Variants in FRMPD2 observed in about 807,000 individuals in gnomAD.
FRMPD2 encodes the protein FERM and PDZ domain containing 2, also known as FERM and PDZ domain-containing protein 2.
FRMPD2 carries 96 observed loss-of-function variants against 140.1 expected under a neutral mutation model. That is an observed-to-expected ratio of 0.69 (90% CI 0.58 to 0.81). FRMPD2 has a LOEUF of 0.81. FRMPD2 is among the 40% of genes least tolerant of loss of function. The pLI, the probability that FRMPD2 is intolerant of heterozygous loss-of-function variation, is 0.00. For missense variants in FRMPD2, 1,240 were observed against 1,447.4 expected (o/e 0.86, Z 2.32); for synonymous variants, 449 against 547.6 (o/e 0.82, Z 2.52).
rs563184844 is a variant in FRMPD2 at position 48,172,514 on chromosome 10, T to C, written c.3223+432A>G. Among the ~76,000 whole-genome samples the C allele has an allele frequency of 3.9e-5, 6 of 152,312 alleles. No homozygotes were observed. The East Asian group carries it at 9.6e-4, about 24-fold the overall frequency. On this transcript the variant is annotated intron_variant, in intron 25 of 28. Coordinates refer to ENST00000374201, the MANE Select transcript of FRMPD2 (RefSeq NM_001018071.4). ...ATCTTTCGTTTGCCTTTTAAAATGA[T>C]GCTAATAACAAGGCTAGATTCCTGA...
At chr10:48,235,906 C>T (rs1402029433) in intron 9 of FRMPD2, among the ~76,000 whole-genome samples, 6 of 152,124 alleles carry the variant, frequency 3.9e-5, no homozygotes, top group Non-Finnish European at 8.8e-5. Context: ...ATTTGCCCTT[C>T]CTGAAAAGCC....
chr10:48,205,982 GA>G (rs1839189543), intron 14 of FRMPD2, among the ~76,000 whole-genome samples: 2 of 151,948 alleles, frequency 1.3e-5, no homozygotes, highest in Non-Finnish European at 1.5e-5. Flanking sequence ...AATTAAATAG[GA>G]AAAAAACATT....
chr10:48,187,284 G>A lies in FRMPD2; in HGVS notation c.2174C>T (p.Thr725Ile), dbSNP rs1239003983. 1.2e-6 allele frequency: 2 copies of A among 1,613,898 alleles called. No homozygotes were observed. The highest frequency in any genetic ancestry group is 3.3e-5 in the Admixed American group (2 of 60,012). The change falls in exon 17 of 29, where the codon ACT becomes ATT. Residue 725 changes from threonine (T) to isoleucine (I), a missense_variant. Coordinates refer to ENST00000374201, the MANE Select transcript of FRMPD2 (RefSeq NM_001018071.4). The stretch of plus-strand genomic sequence containing the variant: ...GGCACTCTTCAGCTGCTCCCGGCCA[G>A]TGCAGGGGCTGCCGGGAAAAGAAAA... ...GAEGIGRSPCTGREQLKSACV... is the reference protein window; with the variant it reads ...GAEGIGRSPCIGREQLKSACV...
chr10:48,163,796 C>G, intron 27 of FRMPD2, 125 bp from the exon 28 acceptor site: 1 of 670,594 alleles, frequency 1.5e-6, no homozygotes, highest in South Asian at 1.8e-5. Context: ...TGAGGTCTGT[C>G]TATCACCATA....
chr10:48,203,149 G>A (rs1248012912), intron 14 of FRMPD2, among the ~76,000 whole-genome samples: 1 of 152,014 alleles, frequency 6.6e-6, no homozygotes, highest in African/African-American at 2.4e-5. Context: ...ATCTGAAAAG[G>A]GAGAATCATT....
At chr10:48,203,619 T>C (rs1839138018) in intron 14 of FRMPD2, among the ~76,000 whole-genome samples, 1 of 152,150 alleles carries the variant, frequency 6.6e-6, no homozygotes, top group Non-Finnish European at 1.5e-5. Flanking sequence ...TAGGAGTTCT[T>C]TTTTTTCTGT....
chr10:48,261,828 G>A (rs1004761466), intron 1 of FRMPD2, among the ~76,000 whole-genome samples: 1 of 152,094 alleles, frequency 6.6e-6, no homozygotes, highest in African/African-American at 2.4e-5. Context: ...AGTTATAAAG[G>A]CTGGAAGGGA....
chr10:48,239,596 G>T lies in FRMPD2; in HGVS notation c.788+9C>A, dbSNP rs368049076. ...AAGTTCACAGCACCCTTTAGGCCTTGCTGCTTACCGGTTAACAAGGAGGCT... is the reference window on the plus strand; with the variant it reads ...AAGTTCACAGCACCCTTTAGGCCTTTCTGCTTACCGGTTAACAAGGAGGCT... On this transcript the variant is annotated intron_variant, in intron 7 of 28. Transcript: ENST00000374201. 1 of 1,611,426 alleles carries T rather than the reference G, an allele frequency of 6.2e-7. No individual in the cohort carries two copies. The highest frequency in any genetic ancestry group is 1.1e-5 in the South Asian group (1 of 90,876).
In FRMPD2 at chr10:48,222,408, C is replaced by G. The variant is rs1463934334; in HGVS notation, c.1360G>C (p.Asp454His). 2 of 1,614,014 alleles carry G rather than the reference C, an allele frequency of 1.2e-6. No homozygotes were observed. The highest frequency in any genetic ancestry group is 2.2e-5 in the East Asian group (1 of 44,890). Residue 454 changes from aspartate to histidine, a missense_variant, in exon 12 of 29, where the codon GAT becomes CAT. By Grantham distance (81) the Asp-to-His change is moderately conservative (BLOSUM62 -1). Coordinates refer to ENST00000374201, the MANE Select transcript of FRMPD2 (RefSeq NM_001018071.4). ...RHQFYLQLRK[D>H]ILEERLYCNE... The stretch of plus-strand genomic sequence containing the variant: ...CAGTACAGCCTCTCCTCCAGGATAT[C>G]TTTCCGAAGCTGCAGGTAAAACTGG...
At chr10:48,219,818 T>C (rs1226234819) in intron 12 of FRMPD2, among the ~76,000 whole-genome samples, 3 of 152,258 alleles carry the variant, frequency 2.0e-5, no homozygotes, top group African/African-American at 7.2e-5. Flanking sequence ...GAAACTTGCA[T>C]ATGATTCTGC....
chr10:48,209,047 C>T (rs2131878272), intron 13 of FRMPD2, among the ~76,000 whole-genome samples: 1 of 152,240 alleles, frequency 6.6e-6, no homozygotes, highest in Non-Finnish European at 1.5e-5. Flanking sequence ...CTGTTCAGTA[C>T]AGATTTGTGG....
chr10:48,182,175 CCAG>C (rs1473453906), intron 20 of FRMPD2, among the ~76,000 whole-genome samples: 2 of 152,052 alleles, frequency 1.3e-5, no homozygotes, highest in Non-Finnish European at 2.9e-5. Context: ...CTAAAGGTAT[CCAG>C]CAGGGAGTGG....
chr10:48,222,381 T>G lies in FRMPD2; in HGVS notation c.1387A>C (p.Asn463His). 1 of 1,614,164 alleles carries G rather than the reference T, an allele frequency of 6.2e-7. No homozygotes were observed. The highest frequency in any genetic ancestry group is 8.5e-7 in the Non-Finnish European group (1 of 1,180,002). Residue 463 changes from asparagine to histidine, a missense_variant, in exon 12 of 29, where the codon AAT (asparagine) becomes CAT (histidine). By Grantham distance (68) the Asn-to-His change is moderately conservative. This residue lies in a region of FRMPD2 where 1,161 missense variants were observed against 1,055.9 expected (regional missense o/e 1.10). Coordinates refer to ENST00000374201, the MANE Select transcript of FRMPD2 (RefSeq NM_001018071.4). ...KDILEERLYCNEEILLQLGVL... is the reference protein window; with the variant it reads ...KDILEERLYCHEEILLQLGVL... ...CCCAGCTGCAGCAGTATCTCTTCATTGCAGTACAGCCTCTCCTCCAGGATA... is the reference window on the plus strand; with the variant it reads ...CCCAGCTGCAGCAGTATCTCTTCATGGCAGTACAGCCTCTCCTCCAGGATA...
intron 3 of FRMPD2, among the ~76,000 whole-genome samples, chr10:48,246,385 G>C (rs1840248937): frequency 6.6e-6 from 1 of 152,226 alleles, no homozygotes; most frequent in Non-Finnish European, 1.5e-5. Flanking sequence ...CTTGGCCACA[G>C]TGACAAAAGG....
chr10:48,251,174 C>G, intron 2 of FRMPD2, among the ~76,000 whole-genome samples: 1 of 152,108 alleles, frequency 6.6e-6, no homozygotes, highest in East Asian at 1.9e-4. Flanking sequence ...TCCTGGGTGA[C>G]CACACCCTGC....
At chr10:48,218,190 G>A (rs553279941) in intron 12 of FRMPD2, among the ~76,000 whole-genome samples, 62 of 152,118 alleles carry the variant, frequency 4.1e-4, no homozygotes, top group African/African-American at 1.4e-3. Flanking sequence ...ATTGGATTAG[G>A]GCCCACCCTA....
chr10:48,159,206 A>C, intron 28 of FRMPD2: 1 of 456,076 alleles, frequency 2.2e-6, no homozygotes, highest in Non-Finnish European at 4.4e-6. Flanking sequence ...TGACAACTGC[A>C]TTTAGTTTTG....
intron 12 of FRMPD2, among the ~76,000 whole-genome samples, chr10:48,218,059 C>T (rs189033176): frequency 5.8e-4 from 88 of 152,312 alleles, no homozygotes; most frequent in African/African-American, 2.0e-3. Flanking sequence ...AGGACTCTCT[C>T]CTTGGCTTGC....
At chr10:48,252,719 A>G (rs1022464821) in intron 1 of FRMPD2, among the ~76,000 whole-genome samples, 15 of 152,088 alleles carry the variant, frequency 9.9e-5, no homozygotes, top group Non-Finnish European at 4.4e-5. Flanking sequence ...AGAAAGCTTG[A>G]CCTGTGAGCC....
Sources: allele counts gnomAD v4.1 joint callset (sites outside exome capture counted in the v4.1 genomes callset), GRCh38; gene constraint gnomAD v4.1.1; regional missense constraint gnomAD v4.1.1; transcripts MANE v1.5; gene names NCBI Gene and HGNC (gene_info 2026-07-23, HGNC 2026-07-21).